The following LPCAT3 variants were observed in gnomAD, a reference collection of about 807,000 sequenced individuals.
LPCAT3 encodes lysophospholipid acyltransferase 5.
Under a neutral mutation model 63.4 loss-of-function variants are expected in LPCAT3, and 21 were observed. The observed-to-expected ratio is 0.33, with a 90% CI of 0.23 to 0.48. LPCAT3 has a LOEUF of 0.48. LPCAT3 is among the 20% of genes least tolerant of loss of function. LPCAT3 has a pLI of 0.99. For missense variants in LPCAT3, 451 were observed against 590.6 expected, an observed-to-expected ratio of 0.76 and a Z score of 2.45; for synonymous variants, 242 against 227.5, an observed-to-expected ratio of 1.06 and a Z score of -0.58.
chr12:7,000,794 C>G (rs1946679635), intron 1 of LPCAT3, among the ~76,000 whole-genome samples: 1 of 151,616 alleles, frequency 6.6e-6, no homozygotes, highest in Admixed American at 6.6e-5. Flanking sequence ...GCAAGCTCCG[C>G]CTCCCGGGTT....
At position 7,017,548 on chromosome 12, in the gene LPCAT3, T is replaced by C. The variant is rs1353278712; in HGVS notation, c.151+726A>G. ...TGCGGTAAAAAAGCCTATAAACCAG[T>C]TGTAATACAGCTTGTTGTGGCATAA... is the stretch of plus-strand genomic sequence containing the variant. On this transcript the variant is annotated intron_variant, in intron 1 of 12. Transcript: ENST00000261407. The surrounding 1 kb of genome is among the most constrained non-coding windows in gnomAD (Gnocchi z 4.1). Among the ~76,000 whole-genome samples the C allele has an allele frequency of 6.6e-6, 1 of 152,176 alleles. No homozygotes were observed. The highest frequency in any genetic ancestry group is 6.6e-5 in the Admixed American group (1 of 15,264).
chr12:7,003,924 G>A (rs1317552346), intron 1 of LPCAT3, among the ~76,000 whole-genome samples: 4 of 109,272 alleles, frequency 3.7e-5, no homozygotes, highest in Non-Finnish European at 5.1e-5. Flanking sequence ...GCGAGACTCC[G>A]TCTCAAAAAA....
At chr12:6,985,338 G>T (rs1327545886) in intron 1 of LPCAT3, among the ~76,000 whole-genome samples, 6 of 152,022 alleles carry the variant, frequency 3.9e-5, no homozygotes, top group Non-Finnish European at 7.4e-5. Flanking sequence ...GGAGCTTGCA[G>T]TGAGCTGAGA....
intron 1 of LPCAT3, among the ~76,000 whole-genome samples, chr12:7,011,647 CAAAAAAAAA>C (rs1177972639): frequency 1.3e-5 from 1 of 75,734 alleles, no homozygotes; most frequent in Non-Finnish European, 2.7e-5. Context: ...CACCATGTCT[CAAAAAAAAA>C]AAAAAAAAAA....
At chr12:7,002,539 A>C (rs1208303580) in intron 1 of LPCAT3, among the ~76,000 whole-genome samples, 1 of 152,172 alleles carries the variant, frequency 6.6e-6, no homozygotes, top group Admixed American at 6.5e-5. Context: ...ATGTGGTGAG[A>C]CTTCTTCTCA....
At chr12:6,992,714 G>C (rs1334509730) in intron 1 of LPCAT3, among the ~76,000 whole-genome samples, 7 of 152,186 alleles carry the variant, frequency 4.6e-5, no homozygotes, top group African/African-American at 1.7e-4. Context: ...TGACTGCCCT[G>C]CTGTGTTTTC....
chr12:6,993,382 T>G (rs1049813150), intron 1 of LPCAT3, among the ~76,000 whole-genome samples: 3 of 150,792 alleles, frequency 2.0e-5, no homozygotes, highest in Non-Finnish European at 4.4e-5. Context: ...TGCAGTGAGC[T>G]GAGATTGCGC....
At chr12:6,986,238 C>T (rs2138337926) in intron 1 of LPCAT3, among the ~76,000 whole-genome samples, 1 of 152,320 alleles carries the variant, frequency 6.6e-6, no homozygotes, top group East Asian at 1.9e-4. Flanking sequence ...AACCCTTTCT[C>T]TTTCTCCTCC....
At chr12:6,981,444 C>A (rs1339096204) in intron 5 of LPCAT3, 151 bp downstream of exon 5, 2 of 823,724 alleles carry the variant, frequency 2.4e-6, no homozygotes, top group African/African-American at 3.3e-5. Context: ...ATTTGTTGAT[C>A]CTTGCTCAGT....
At chr12:7,002,294 A>G (rs925117617) in intron 1 of LPCAT3, among the ~76,000 whole-genome samples, 1 of 152,176 alleles carries the variant, frequency 6.6e-6, no homozygotes, top group African/African-American at 2.4e-5. Context: ...TTCTCTCTCA[A>G]GTCCAACCAG....
intron 1 of LPCAT3, chr12:6,988,243 A>C (rs781816783): frequency 6.4e-6 from 1 of 157,056 alleles, no homozygotes; most frequent in African/African-American, 2.4e-5. Context: ...CATGAGAAGA[A>C]GGCGGAGGAA....
chr12:6,984,438 G>A (rs1555154554), intron 1 of LPCAT3, among the ~76,000 whole-genome samples: 1 of 152,192 alleles, frequency 6.6e-6, no homozygotes. Flanking sequence ...GAGGTCTGGC[G>A]GCCATGCCTG....
In LPCAT3 at chr12:7,002,343, C is replaced by T. The variant is rs781792951; in HGVS notation, c.151+15931G>A. Among the ~76,000 whole-genome samples the T allele has an allele frequency of 7.9e-5, 12 of 152,322 alleles. 1 individual carries two copies. The South Asian group carries it at 2.5e-3, about 32-fold the overall frequency. On this transcript the variant is annotated intron_variant, in intron 1 of 12. Coordinates refer to ENST00000261407, the MANE Select transcript of LPCAT3 (RefSeq NM_005768.6). Reference sequence around the variant, plus strand: ...GTCTCTTCCCACTTCATTTGTGGCACTGGTTTGCAGTGGACAAAAGGTCCG... The same window carrying T: ...GTCTCTTCCCACTTCATTTGTGGCATTGGTTTGCAGTGGACAAAAGGTCCG...
chr12:6,979,364 C>G, intron 7 of LPCAT3, 107 bp downstream of exon 7: 1 of 807,538 alleles, frequency 1.2e-6, no homozygotes, highest in Non-Finnish European at 2.0e-6. Flanking sequence ...AACCAACATG[C>G]ACTTGTAGAT....
intron 5 of LPCAT3, 97 bp downstream of exon 5, chr12:6,981,498 G>A: frequency 8.3e-7 from 1 of 1,204,114 alleles, no homozygotes; most frequent in Non-Finnish European, 1.2e-6. Context: ...ATGAGGGAGA[G>A]GCTCCGCTCT....
In LPCAT3 at chr12:7,018,133, G is replaced by T; in HGVS notation, c.151+141C>A. 3 of 886,000 alleles carry T rather than the reference G, an allele frequency of 3.4e-6. No individual in the cohort carries two copies. Among genetic ancestry groups the T allele is most frequent in the Middle Eastern group, 3.3e-4 (1 of 3,008 alleles). 54.9% of individuals were successfully genotyped at this position (886,000 alleles called of 1,614,324 possible). A position where few individuals can be genotyped will look rare whatever the true frequency, so the allele number is the denominator to read the frequency against. ...GGACTTCTGTCTTCCCTCAGTAGCT[G>T]TTGGTGTGCTTCAGGATTCACACCC... On this transcript the variant is annotated intron_variant, in intron 1 of 12. Coordinates refer to ENST00000261407, the MANE Select transcript of LPCAT3 (RefSeq NM_005768.6). This position sits in a 1 kb window ranked among gnomAD's most constrained non-coding sequence, Gnocchi z 4.9.
At chr12:7,004,525 T>C (rs1946713060) in intron 1 of LPCAT3, among the ~76,000 whole-genome samples, 1 of 152,164 alleles carries the variant, frequency 6.6e-6, no homozygotes, top group Non-Finnish European at 1.5e-5. Flanking sequence ...AGCATGTGGG[T>C]TCAGAGTGTT....
intron 12 of LPCAT3, 22 bp from the exon 13 acceptor site, chr12:6,976,913 G>C: frequency 2.0e-6 from 1 of 493,442 alleles, no homozygotes; most frequent in Admixed American, 3.3e-5. Flanking sequence ...GAGGAGTTTG[G>C]AAGGCTGGTT....
chr12:7,012,211 C>G (rs951946531), intron 1 of LPCAT3, among the ~76,000 whole-genome samples: 1 of 152,290 alleles, frequency 6.6e-6, no homozygotes, highest in South Asian at 2.1e-4. Context: ...TTGGCCAGCT[C>G]TAGCTTTGGA....
Sources: allele counts gnomAD v4.1 joint callset (sites outside exome capture counted in the v4.1 genomes callset), GRCh38; gene constraint gnomAD v4.1.1; non-coding constraint Gnocchi (gnomAD v3.1); transcripts MANE v1.5; gene names NCBI Gene and HGNC (gene_info 2026-07-23, HGNC 2026-07-21).